Variants in LRP6 observed in about 807,000 individuals in gnomAD.
LRP6 encodes the protein low-density lipoprotein receptor-related protein 6.
A neutral mutation model predicts 184.1 loss-of-function variants in LRP6; 43 were observed. The ratio of observed to expected loss-of-function variants is 0.23; its 90% CI spans 0.18 to 0.30. LRP6 has a LOEUF of 0.30. Ranked by LOEUF, LRP6 falls within the 10% of genes least tolerant of loss-of-function variation. The pLI, the probability that LRP6 is intolerant of heterozygous loss-of-function variation, is 1.00. For missense variants in LRP6, 1,571 were observed against 2,005.3 expected (o/e 0.78, Z 4.14); for synonymous variants, 719 against 684.9 (o/e 1.05, Z -0.78).
intron 2 of LRP6, among the ~76,000 whole-genome samples, chr12:12,230,371 T>C (rs963855625): frequency 3.3e-5 from 5 of 152,320 alleles, no homozygotes; most frequent in East Asian, 1.9e-4. Context: ...TTGGTAAGTA[T>C]ACTCAATCTG....
intron 3 of LRP6, 128 bp from the exon 4 acceptor site, chr12:12,187,247 T>A: frequency 1.3e-6 from 1 of 742,840 alleles, no homozygotes; most frequent in South Asian, 1.5e-5. Context: ...TACATACCAA[T>A]AGGTCAAATA....
At chr12:12,263,834 C>CA (rs970813255) in intron 1 of LRP6, among the ~76,000 whole-genome samples, 121 of 146,614 alleles carry the variant, frequency 8.3e-4, no homozygotes, top group African/African-American at 2.2e-3. Context: ...ACCCTACCTC[C>CA]AAAAAAAAAA....
Position 12,119,004 on chromosome 12 carries a change from A to T in LRP6, c.*2122T>A, listed in dbSNP as rs898136336. On this transcript the variant is annotated 3_prime_UTR_variant, in exon 23 of 23. Transcript: ENST00000261349. ...AGGTATTGCTAACCTTTCCATCTTCATTTAAGCATCAAGTGCCCTGTGTAT... is the reference window on the plus strand; with the variant it reads ...AGGTATTGCTAACCTTTCCATCTTCTTTTAAGCATCAAGTGCCCTGTGTAT... 1 of 152,212 alleles carries T rather than the reference A, an allele frequency of 6.6e-6. No homozygotes were observed. The highest frequency in any genetic ancestry group is 2.4e-5 in the African/African-American group (1 of 41,470). The allele number at this position is 152,212 out of a possible 1,614,324, so 9.4% of individuals were successfully genotyped here.
At chr12:12,169,006 A>C (rs1176896001) in intron 7 of LRP6, among the ~76,000 whole-genome samples, 2 of 152,086 alleles carry the variant, frequency 1.3e-5, no homozygotes, top group East Asian at 3.9e-4. Context: ...AGGCAGGAGG[A>C]CCATTTGAGG....
At chr12:12,236,893 C>T in intron 2 of LRP6, among the ~76,000 whole-genome samples, 1 of 150,944 alleles carries the variant, frequency 6.6e-6, no homozygotes, top group East Asian at 1.9e-4. Context: ...CAGAAGCTCT[C>T]CAAACCCCCA....
At chr12:12,237,008 A>G (rs1004851641) in intron 2 of LRP6, among the ~76,000 whole-genome samples, 1 of 152,146 alleles carries the variant, frequency 6.6e-6, no homozygotes, top group Non-Finnish European at 1.5e-5. Context: ...TGGAGCTGAA[A>G]GTTCCAAGCT....
chr12:12,234,792 C>T (rs1864889731), intron 2 of LRP6, among the ~76,000 whole-genome samples: 1 of 151,544 alleles, frequency 6.6e-6, no homozygotes, highest in South Asian at 2.1e-4. Context: ...GATGGTGCCA[C>T]TGCACTCTGG....
chr12:12,231,048 G>A (rs1448942355), intron 2 of LRP6, among the ~76,000 whole-genome samples: 1 of 151,814 alleles, frequency 6.6e-6, no homozygotes, highest in Non-Finnish European at 1.5e-5. Flanking sequence ...GGGTGTGATG[G>A]CAGGCGCCTG....
At chr12:12,195,465 T>C (rs749891558) in intron 3 of LRP6, among the ~76,000 whole-genome samples, 3 of 152,186 alleles carry the variant, frequency 2.0e-5, no homozygotes, top group Admixed American at 6.6e-5. Context: ...TTGAGCATTT[T>C]TTCATATGTT....
chr12:12,158,101 T>C (rs1217945424), intron 12 of LRP6, among the ~76,000 whole-genome samples: 1 of 152,228 alleles, frequency 6.6e-6, no homozygotes, highest in East Asian at 1.9e-4. Context: ...ACTGTTACTT[T>C]ATACTGGGTT....
At chr12:12,231,746 G>A (rs538769831) in intron 2 of LRP6, among the ~76,000 whole-genome samples, 1 of 151,818 alleles carries the variant, frequency 6.6e-6, no homozygotes, top group South Asian at 2.1e-4. Context: ...GCAGCGCAGT[G>A]GCTCATGCCT....
intron 3 of LRP6, among the ~76,000 whole-genome samples, chr12:12,202,151 T>C (rs1011319229): frequency 1.3e-5 from 2 of 152,386 alleles, no homozygotes; most frequent in Admixed American, 6.5e-5. Context: ...TTACAGACTT[T>C]GTCTTCCTTG....
rs866963913 is a variant in LRP6 at position 12,142,442 on chromosome 12, T to C, written c.3398-3908A>G. Reference sequence around the variant, plus strand: ...AGATATGCTTATTTATTCAACAAACTAAGCATGCACTGGATGCAATTCGCT... The same window carrying C: ...AGATATGCTTATTTATTCAACAAACCAAGCATGCACTGGATGCAATTCGCT... On this transcript the variant is annotated intron_variant, in intron 15 of 22. Coordinates refer to ENST00000261349, the MANE Select transcript of LRP6 (RefSeq NM_002336.3). Among the ~76,000 whole-genome samples the C allele has an allele frequency of 1.2e-4, 19 of 152,182 alleles. No homozygotes were observed. In the South Asian group the frequency reaches 1.4e-3, roughly 12 times the overall value.
At position 12,165,230 on chromosome 12, in the gene LRP6, T is replaced by C; in HGVS notation, c.1611A>G (p.Gly537=). The C allele has an allele frequency of 1.9e-6, 3 of 1,613,998 alleles. No individual in the cohort carries two copies. The highest frequency in any genetic ancestry group is 2.5e-6 in the Non-Finnish European group (3 of 1,179,974). The stretch of plus-strand genomic sequence containing the variant: ...AAACATAGTCACCCAACAAAGTAAA[T>C]CCAAATATGTGAGGAATTTTGTCTT... The part of the protein sequence containing the change: ...LVEDKIPHIF[G]FTLLGDYVYW... The change falls in exon 8 of 23, where the codon GGA becomes GGG. Residue 537 remains glycine, a synonymous_variant. Coordinates refer to ENST00000261349, the MANE Select transcript of LRP6 (RefSeq NM_002336.3).
intron 2 of LRP6, among the ~76,000 whole-genome samples, chr12:12,216,456 C>T (rs985304002): frequency 6.6e-6 from 1 of 151,968 alleles, no homozygotes; most frequent in African/African-American, 2.4e-5. Flanking sequence ...GAAGAGAAGA[C>T]AAATCCAAGA....
chr12:12,143,949 T>C (rs900818734), intron 15 of LRP6, among the ~76,000 whole-genome samples: 16 of 152,212 alleles, frequency 1.1e-4, no homozygotes, highest in African/African-American at 3.9e-4. Flanking sequence ...ATAGTGTACG[T>C]TGTACGCATT....
In LRP6 at chr12:12,254,162, A is replaced by AAAAG. The variant is rs567794631; in HGVS notation, c.56-9511_56-9508dup. 9.1e-3 allele frequency among the ~76,000 whole-genome samples: 1,226 copies of AAAAG among 134,532 alleles called. 34 individuals are homozygous for AAAAG. The highest frequency in any genetic ancestry group is 0.012 in the Non-Finnish European group (727 of 60,762). The allele number at this position is 134,532 out of a possible 152,430, so 88.3% of individuals were successfully genotyped here. A position where few individuals can be genotyped will look rare whatever the true frequency, so the allele number is the denominator to read the frequency against. On this transcript the variant is annotated intron_variant, in intron 1 of 22. Transcript: ENST00000261349. ...CTGTCTCAAAAAAAAAAAAAAAAAAAAAAGAAAGAAAGAAAAAGGAAAACT... is the reference window on the plus strand; with the variant it reads ...CTGTCTCAAAAAAAAAAAAAAAAAAAAAAGAAAGAAAGAAAGAAAAAGGAAAACT...
intron 9 of LRP6, among the ~76,000 whole-genome samples, chr12:12,162,794 C>T (rs117092936): frequency 0.018 from 2,695 of 152,282 alleles, 32 homozygotes; most frequent in Middle Eastern, 0.071. Flanking sequence ...TATGGCAAGT[C>T]ATCATGCCTA....
chr12:12,172,574 T>C (rs1228065829), intron 7 of LRP6, among the ~76,000 whole-genome samples: 1 of 152,118 alleles, frequency 6.6e-6, no homozygotes, highest in Non-Finnish European at 1.5e-5. Flanking sequence ...GAAGAGAAAC[T>C]CAAATTATGC....
Sources: gnomAD v4.1 joint callset for allele counts (sites outside exome capture counted in the v4.1 genomes callset) on GRCh38, gnomAD v4.1.1 for gene constraint, MANE v1.5 for transcripts, NCBI Gene and HGNC (gene_info 2026-07-23, HGNC 2026-07-21) for gene names.